FNDC3B: variants seen among roughly 807,000 people sequenced by gnomAD.
The protein encoded by FNDC3B is fibronectin type III domain-containing protein 3B.
FNDC3B carries 12 observed loss-of-function variants against 151.5 expected under a neutral mutation model. The ratio of observed to expected loss-of-function variants is 0.08; its 90% CI spans 0.05 to 0.13. The LOEUF (loss-of-function observed/expected upper bound fraction) is 0.13, where lower values mean the gene tolerates loss of function less well. FNDC3B is among the 10% of genes least tolerant of loss of function. FNDC3B has a pLI of 1.00. For synonymous variants in FNDC3B, 528 were observed against 549.0 expected (o/e 0.96, Z 0.54); for missense variants, 1,214 against 1,505.3 (o/e 0.81, Z 3.20).
At chr3:172,356,718 T>G (rs1734116096) in intron 22 of FNDC3B, among the ~76,000 whole-genome samples, 1 of 152,160 alleles carries the variant, frequency 6.6e-6, no homozygotes, top group Non-Finnish European at 1.5e-5. Flanking sequence ...CAAAAGGGAT[T>G]TTCGTTGTTT....
chr3:172,079,230 G>C (rs933673830), intron 1 of FNDC3B, among the ~76,000 whole-genome samples: 1 of 152,162 alleles, frequency 6.6e-6, no homozygotes, highest in African/African-American at 2.4e-5. Flanking sequence ...TAGCATGTTA[G>C]TGAGACGAGG....
intron 22 of FNDC3B, among the ~76,000 whole-genome samples, chr3:172,353,483 T>A (rs1733952762): frequency 6.6e-6 from 1 of 152,242 alleles, no homozygotes; most frequent in African/African-American, 2.4e-5. Flanking sequence ...TCTAAAAGGA[T>A]GGCATTGGAG....
Position 172,112,533 on chromosome 3 carries a change from G to A in FNDC3B, c.54G>A (p.Leu18=). 1 of 1,614,166 alleles carries A rather than the reference G, an allele frequency of 6.2e-7. No individual in the cohort carries two copies. Among genetic ancestry groups the A allele is most frequent in the Non-Finnish European group, 8.5e-7 (1 of 1,180,000 alleles). ...AAATCCCTCTGGAACTGCCACCATT[G>A]CTGAACGGAGAGGTAGCCATGATGC... ...TDQIPLELPP[L]LNGEVAMMPH... Residue 18 remains leucine, a synonymous_variant, in exon 2 of 26, where the codon TTG becomes TTA. Coordinates refer to ENST00000415807, the MANE Select transcript of FNDC3B (RefSeq NM_022763.4).
chr3:172,325,179 A>G (rs1294046332), intron 11 of FNDC3B, among the ~76,000 whole-genome samples: 2 of 152,236 alleles, frequency 1.3e-5, no homozygotes, highest in Non-Finnish European at 2.9e-5. Context: ...TACTGCAGCC[A>G]TATTTTAGTA....
chr3:172,334,922 C>G (rs749307349), intron 14 of FNDC3B, 22 bp from the exon 15 acceptor site: 2 of 1,602,028 alleles, frequency 1.2e-6, no homozygotes, highest in South Asian at 2.2e-5. Context: ...ATCATGTTAA[C>G]GTTTCCTTGG....
chr3:172,198,813 A>C (rs1433228911), intron 3 of FNDC3B, among the ~76,000 whole-genome samples: 1 of 152,186 alleles, frequency 6.6e-6, no homozygotes, highest in Non-Finnish European at 1.5e-5. Context: ...GAACAGGAAG[A>C]AGAAGAAGAG....
At chr3:172,039,988 G>T (rs1016231248) in intron 1 of FNDC3B, among the ~76,000 whole-genome samples, 1 of 152,198 alleles carries the variant, frequency 6.6e-6, no homozygotes, top group African/African-American at 2.4e-5. Flanking sequence ...CCGGGAGGGG[G>T]CGGCCCCCGC....
Position 172,263,722 on chromosome 3 carries a change from T to C in FNDC3B, c.790+12181T>C, listed in dbSNP as rs116738779. The stretch of plus-strand genomic sequence containing the variant: ...ATTTGAAAACTATATCTTCATTTCA[T>C]TGAAGAATTTCATGTCTGGGAAGTA... On this transcript the variant is annotated intron_variant, in intron 6 of 25. Coordinates refer to ENST00000415807, the MANE Select transcript of FNDC3B (RefSeq NM_022763.4). 5.5e-3 allele frequency among the ~76,000 whole-genome samples: 840 copies of C among 151,822 alleles called. 10 individuals carry two copies. Among genetic ancestry groups the C allele is most frequent in the African/African-American group, 0.011 (453 of 41,464 alleles).
intron 22 of FNDC3B, among the ~76,000 whole-genome samples, chr3:172,357,410 T>C (rs1734148145): frequency 6.6e-6 from 1 of 152,246 alleles, no homozygotes; most frequent in South Asian, 2.1e-4. Context: ...AAGATTAGCA[T>C]GTTACTTGAG....
At position 172,358,469 on chromosome 3, in the gene FNDC3B, C is replaced by T. The variant is rs145154972; in HGVS notation, c.2796-4164C>T. On this transcript the variant is annotated intron_variant, in intron 22 of 25. Transcript: ENST00000415807. ...TCTTTGTCTCACTCTCACCTTGCTG[C>T]GGATGGCCTAGAAAGAAGCCCATCC... Among the ~76,000 whole-genome samples, 365 of 152,322 alleles carry T rather than the reference C, an allele frequency of 2.4e-3. 1 individual carries two copies. The highest frequency in any genetic ancestry group is 8.4e-3 in the African/African-American group (349 of 41,564).
chr3:172,250,039 A>G (rs978811767), intron 5 of FNDC3B, among the ~76,000 whole-genome samples: 4 of 152,176 alleles, frequency 2.6e-5, no homozygotes, highest in Non-Finnish European at 4.4e-5. Context: ...ACTCCATAGA[A>G]GAGGTGACCC....
chr3:172,172,916 T>C (rs1723356802), intron 3 of FNDC3B, among the ~76,000 whole-genome samples: 1 of 152,230 alleles, frequency 6.6e-6, no homozygotes, highest in Non-Finnish European at 1.5e-5. Context: ...TGTATTCTAC[T>C]CTGAGGATTT....
At position 172,358,954 on chromosome 3, in the gene FNDC3B, T is replaced by TTGGTGGTGG. The variant is rs60325692; in HGVS notation, c.2796-3622_2796-3614dup. 5.0e-3 allele frequency among the ~76,000 whole-genome samples: 402 copies of TTGGTGGTGG among 80,606 alleles called. 5 individuals are homozygous for TTGGTGGTGG. Among genetic ancestry groups the TTGGTGGTGG allele is most frequent in the Admixed American group, 0.013 (83 of 6,286 alleles). The allele number at this position is 80,606 out of a possible 152,430, so 52.9% of individuals were successfully genotyped here. A position where few individuals can be genotyped will look rare whatever the true frequency, so the allele number is the denominator to read the frequency against. On this transcript the variant is annotated intron_variant, in intron 22 of 25. Coordinates refer to ENST00000415807, the MANE Select transcript of FNDC3B (RefSeq NM_022763.4). ...AGTGTTAAATGCTACCACAGTTTTC[T>TTGGTGGTGG]TGGTGGTGGTGGTGGTGGTGGTGGT...
At chr3:172,347,166 C>G in intron 20 of FNDC3B, 46 bp from the exon 21 acceptor site, 2 of 1,554,428 alleles carry the variant, frequency 1.3e-6, no homozygotes, top group Non-Finnish European at 1.8e-6. Context: ...CAGTAGGATT[C>G]TCTTCTCAGT....
At chr3:172,041,950 A>G (rs1258035289) in intron 1 of FNDC3B, among the ~76,000 whole-genome samples, 1 of 152,138 alleles carries the variant, frequency 6.6e-6, no homozygotes, top group Non-Finnish European at 1.5e-5. Context: ...CTTTGTTTAG[A>G]TACCAGAGGG....
chr3:172,335,270 T>A, intron 15 of FNDC3B, 188 bp downstream of exon 15: 1 of 469,522 alleles, frequency 2.1e-6, no homozygotes, highest in African/African-American at 2.0e-5. Context: ...ACAATTTCAT[T>A]AAAATGTAAT....
chr3:172,164,676 G>A (rs968134095), intron 3 of FNDC3B, among the ~76,000 whole-genome samples: 1 of 152,226 alleles, frequency 6.6e-6, no homozygotes, highest in African/African-American at 2.4e-5. Context: ...CGAATACTCA[G>A]CATATGACTT....
intron 3 of FNDC3B, among the ~76,000 whole-genome samples, chr3:172,152,594 T>TTTTC (rs1344984107): frequency 3.6e-4 from 54 of 150,824 alleles, no homozygotes; most frequent in Admixed American, 2.8e-3. Flanking sequence ...TTTTTTTTTT[T>TTTTC]CTTCAAACCT....
At chr3:172,152,287 A>G (rs2108603644) in intron 3 of FNDC3B, among the ~76,000 whole-genome samples, 1 of 152,074 alleles carries the variant, frequency 6.6e-6, no homozygotes, top group East Asian at 1.9e-4. Context: ...CCTCTCTTAG[A>G]AGCCTCACCC....
Sources: gnomAD v4.1 joint callset for allele counts (sites outside exome capture counted in the v4.1 genomes callset) on GRCh38, gnomAD v4.1.1 for gene constraint, MANE v1.5 for transcripts, NCBI Gene and HGNC (gene_info 2026-07-23, HGNC 2026-07-21) for gene names.